The following RPAP3 variants were observed in gnomAD, a reference collection of about 807,000 sequenced individuals.
The protein encoded by RPAP3 is RNA polymerase II-associated protein 3.
RPAP3 carries 58 observed loss-of-function variants against 88.8 expected under a neutral mutation model. The observed-to-expected ratio is 0.65, with a 90% CI of 0.53 to 0.81. The LOEUF is 0.81. RPAP3 is among the 40% of genes least tolerant of loss of function. The pLI is 0.00. For synonymous variants in RPAP3, 255 were observed against 259.9 expected (o/e 0.98, Z 0.18); for missense variants, 751 against 764.3 (o/e 0.98, Z 0.20).
intron 16 of RPAP3, among the ~76,000 whole-genome samples, chr12:47,666,466 A>G (rs926138442): frequency 6.6e-6 from 1 of 152,174 alleles, no homozygotes; most frequent in Non-Finnish European, 1.5e-5. Context: ...CACTTCTTTG[A>G]GAATTCAGCT....
intron 5 of RPAP3, among the ~76,000 whole-genome samples, chr12:47,692,713 C>T (rs1408978264): frequency 6.6e-6 from 1 of 152,206 alleles, no homozygotes; most frequent in Non-Finnish European, 1.5e-5. Context: ...TTTTCCTTTG[C>T]ATTCACATCT....
At chr12:47,700,319 A>G (rs529161538) in intron 3 of RPAP3, among the ~76,000 whole-genome samples, 1 of 152,330 alleles carries the variant, frequency 6.6e-6, no homozygotes, top group African/African-American at 2.4e-5. Context: ...AGAAAAGAAC[A>G]TGGGATTAGA....
At chr12:47,669,159 C>A in intron 13 of RPAP3, 57 bp from the exon 14 acceptor site, 2 of 1,223,394 alleles carry the variant, frequency 1.6e-6, no homozygotes, top group South Asian at 2.9e-5. Context: ...ATAGCTCAAT[C>A]AAGGAGACAT....
At position 47,680,388 on chromosome 12, in the gene RPAP3, C is replaced by T. The variant is rs190225779; in HGVS notation, c.1115-614G>A. Among the ~76,000 whole-genome samples the T allele has an allele frequency of 3.6e-3, 548 of 151,978 alleles. 2 individuals carry two copies. Among genetic ancestry groups the T allele is most frequent in the Middle Eastern group, 0.024 (7 of 294 alleles). ...TGGTGATGGACAGTGGTGATGGCTG[C>T]ACAATGTAAATGTATTTAATGCCAC... On this transcript the variant is annotated intron_variant, in intron 10 of 16. Coordinates refer to ENST00000005386, the MANE Select transcript of RPAP3 (RefSeq NM_024604.3).
At chr12:47,695,614 C>T (rs1939510160) in intron 5 of RPAP3, among the ~76,000 whole-genome samples, 1 of 151,824 alleles carries the variant, frequency 6.6e-6, no homozygotes, top group East Asian at 1.9e-4. Flanking sequence ...TTGCAGATAT[C>T]GAATATTATA....
At chr12:47,680,288 G>A (rs991351050) in intron 10 of RPAP3, among the ~76,000 whole-genome samples, 4 of 152,196 alleles carry the variant, frequency 2.6e-5, no homozygotes, top group South Asian at 4.1e-4. Context: ...AGGTTACTAG[G>A]GCTGGGAGGA....
At chr12:47,704,668 G>A (rs775076969) in intron 1 of RPAP3, among the ~76,000 whole-genome samples, 2 of 150,968 alleles carry the variant, frequency 1.3e-5, no homozygotes, top group Non-Finnish European at 3.0e-5. Context: ...ATGAGCCACC[G>A]CGCCTGACCT....
chr12:47,697,147 C>A (rs1939549622), intron 4 of RPAP3, among the ~76,000 whole-genome samples: 1 of 152,184 alleles, frequency 6.6e-6, no homozygotes, highest in Admixed American at 6.5e-5. Flanking sequence ...CAGGGAGATA[C>A]TGAACATTCC....
At chr12:47,686,657 TA>T (rs1939330060) in intron 9 of RPAP3, 122 bp downstream of exon 9, 3 of 673,990 alleles carry the variant, frequency 4.5e-6, no homozygotes, top group Non-Finnish European at 7.1e-6. Flanking sequence ...AAATTTACCA[TA>T]AATTGGCATG....
rs776917570 is a variant in RPAP3, at chr12:47,702,792, T to A, written c.49A>T (p.Asn17Tyr). ...ATAAAGTCTTGTAATTCTTCTGCATTTTGTTTCACTTGTAGTTGTAATTCG... is the reference window on the plus strand; with the variant it reads ...ATAAAGTCTTGTAATTCTTCTGCATATTGTTTCACTTGTAGTTGTAATTCG... ...AIELQLQVKQ[N>Y]AEELQDFMRD... Residue 17 changes from asparagine (N) to tyrosine (Y), a missense_variant, in exon 2 of 17, where the codon AAT becomes TAT. Physicochemically the swap from Asn to Tyr is moderately radical, Grantham distance 143. Transcript: ENST00000005386. 1.2e-6 allele frequency: 2 copies of A among 1,613,334 alleles called. No individual in the cohort carries two copies. Among genetic ancestry groups the A allele is most frequent in the Non-Finnish European group, 1.7e-6 (2 of 1,179,684 alleles).
chr12:47,700,656 G>A (rs1939637704), intron 3 of RPAP3, among the ~76,000 whole-genome samples: 1 of 152,204 alleles, frequency 6.6e-6, no homozygotes. Flanking sequence ...CTGGTAAAGG[G>A]TTGTAAGGCA....
chr12:47,701,512 T>C lies in RPAP3; in HGVS notation c.246A>G (p.Lys82=). 1 of 1,605,936 alleles carries C rather than the reference T, an allele frequency of 6.2e-7. No homozygotes were observed. The highest frequency in any genetic ancestry group is 8.5e-7 in the Non-Finnish European group (1 of 1,176,934). Residue 82 remains lysine (K), a synonymous_variant, in exon 3 of 17, where the codon AAA becomes AAG. Coordinates refer to ENST00000005386, the MANE Select transcript of RPAP3 (RefSeq NM_024604.3). ...SSKKTREENT[K]NRIKSYDYEA... is the part of the protein sequence containing the mutation. ...CATAATCATAAGATTTTATCCTGTTTTTTGTGTTTTCCTCTCTGGTTTTTT... is the reference window on the plus strand; with the variant it reads ...CATAATCATAAGATTTTATCCTGTTCTTTGTGTTTTCCTCTCTGGTTTTTT...
intron 12 of RPAP3, among the ~76,000 whole-genome samples, chr12:47,678,671 G>A (rs1320953267): frequency 1.3e-5 from 2 of 152,236 alleles, no homozygotes; most frequent in African/African-American, 2.4e-5. Flanking sequence ...CTGGCCATCA[G>A]AGAAATGCAA....
At chr12:47,666,717 A>G (rs1229361992) in intron 16 of RPAP3, among the ~76,000 whole-genome samples, 1 of 152,158 alleles carries the variant, frequency 6.6e-6, no homozygotes, top group African/African-American at 2.4e-5. Context: ...GCCTCTCTAT[A>G]CCTGTTTCCT....
At chr12:47,700,230 T>TA (rs1939630523) in intron 3 of RPAP3, 1 of 151,960 alleles carries the variant, frequency 6.6e-6, no homozygotes, top group South Asian at 2.1e-4. Context: ...TATACCTCAG[T>TA]AAAAATGTTA....
intron 3 of RPAP3, among the ~76,000 whole-genome samples, chr12:47,698,911 A>G (rs1939590912): frequency 6.6e-6 from 1 of 152,230 alleles, no homozygotes; most frequent in South Asian, 2.1e-4. Context: ...TAGGAAAAAA[A>G]TTGCTTATAA....
At chr12:47,678,949 C>T (rs1442775526) in intron 12 of RPAP3, among the ~76,000 whole-genome samples, 1 of 152,106 alleles carries the variant, frequency 6.6e-6, no homozygotes, top group Non-Finnish European at 1.5e-5. Context: ...CACATGCACA[C>T]GTATGTTTAC....
At chr12:47,679,434 C>A in intron 12 of RPAP3, 59 bp downstream of exon 12, 1 of 1,132,916 alleles carries the variant, frequency 8.8e-7, no homozygotes, top group Non-Finnish European at 1.3e-6. Context: ...AGTTGGTTTC[C>A]AATTCTCCTA....
Position 47,690,571 on chromosome 12 carries a change from G to T in RPAP3, c.614C>A (p.Ser205Tyr). The T allele has an allele frequency of 6.2e-7, 1 of 1,603,408 alleles. No homozygotes were observed. Among genetic ancestry groups the T allele is most frequent in the Non-Finnish European group, 8.5e-7 (1 of 1,174,324 alleles). The change falls in exon 6 of 17, where the codon TCC becomes TAC. Residue 205 changes from serine to tyrosine, a missense_variant. By Grantham distance (144) the Ser-to-Tyr change is moderately radical. Coordinates refer to ENST00000005386, the MANE Select transcript of RPAP3 (RefSeq NM_024604.3). ...AGCAAATCGAGCAGCACCTCGTCTG[G>T]AATAAGCCTTTGTATAACTTCTATT... Reference protein sequence around the residue: ...ALNRSYTKAYSRRGAARFALQ... With the variant: ...ALNRSYTKAYYRRGAARFALQ...
Sources: allele counts gnomAD v4.1 joint callset (sites outside exome capture counted in the v4.1 genomes callset), GRCh38; gene constraint gnomAD v4.1.1; transcripts MANE v1.5; gene names NCBI Gene and HGNC (gene_info 2026-07-23, HGNC 2026-07-21).